Variants in CSMD1 observed in about 807,000 individuals in gnomAD.
The protein encoded by CSMD1 is CUB and sushi domain-containing protein 1.
In CSMD1, 213 loss-of-function variants were observed where a neutral mutation model predicts 417.5. The observed-to-expected ratio is 0.51, with a 90% confidence interval of 0.46 to 0.57. CSMD1 has a LOEUF of 0.57. CSMD1 is among the 20% of genes least tolerant of loss of function. The pLI, the probability that CSMD1 is intolerant of heterozygous loss-of-function variation, is 0.00. For synonymous variants in CSMD1, 2,862 were observed against 1,736.8 expected, an observed-to-expected ratio of 1.65 and a Z score of -16.11; for missense variants, 6,923 against 4,529.7, an observed-to-expected ratio of 1.53 and a Z score of -15.17.
intron 3 of CSMD1, among the ~76,000 whole-genome samples, chr8:4,199,733 T>G (rs1313152933): frequency 6.6e-6 from 1 of 152,162 alleles, no homozygotes; most frequent in Non-Finnish European, 1.5e-5. Flanking sequence ...ATCAGATGCT[T>G]TGATCCTCTT....
At chr8:3,655,191 T>C (rs1009260633) in intron 7 of CSMD1, among the ~76,000 whole-genome samples, 2 of 152,232 alleles carry the variant, frequency 1.3e-5, no homozygotes, top group Non-Finnish European at 2.9e-5. Flanking sequence ...AGATTATTTT[T>C]TGGTCAAAAC....
chr8:4,534,870 C>A (rs774101443), intron 2 of CSMD1, among the ~76,000 whole-genome samples: 40 of 152,276 alleles, frequency 2.6e-4, no homozygotes, highest in Non-Finnish European at 2.2e-4. Context: ...TCATGTCACT[C>A]TCCTGCCTCA....
At chr8:3,020,372 G>A (rs1261328100) in intron 51 of CSMD1, among the ~76,000 whole-genome samples, 1 of 152,128 alleles carries the variant, frequency 6.6e-6, no homozygotes, top group Non-Finnish European at 1.5e-5. Flanking sequence ...CAGCCCTTTT[G>A]TTGTTGTTTA....
At chr8:3,965,943 G>C (rs1812654266) in intron 5 of CSMD1, among the ~76,000 whole-genome samples, 1 of 152,170 alleles carries the variant, frequency 6.6e-6, no homozygotes, top group Non-Finnish European at 1.5e-5. Flanking sequence ...TAAGAAATAA[G>C]AACTGTCAAG....
At chr8:3,323,164 T>C (rs959425024) in intron 23 of CSMD1, among the ~76,000 whole-genome samples, 9 of 152,206 alleles carry the variant, frequency 5.9e-5, no homozygotes, top group African/African-American at 1.9e-4. Context: ...TGATGTCCAA[T>C]GGGCAACTTC....
chr8:3,483,548 T>C (rs1306522670), intron 11 of CSMD1, among the ~76,000 whole-genome samples: 2 of 152,046 alleles, frequency 1.3e-5, no homozygotes, highest in Non-Finnish European at 2.9e-5. Context: ...TACTAATTTA[T>C]AAGTAACAAT....
intron 5 of CSMD1, among the ~76,000 whole-genome samples, chr8:3,984,878 T>C (rs764086122): frequency 2.0e-5 from 3 of 151,610 alleles, no homozygotes; most frequent in African/African-American, 7.3e-5. Flanking sequence ...AAAGTTTGAA[T>C]CTATGTCCAT....
In CSMD1 at chr8:3,367,262, CG is replaced by C. The variant is rs765788753; in HGVS notation, c.2900-16del. ...CATTTGAACTCCTGAGAAATGAAGC[CG>C]GGGGAGAGAGAGAGAGACAGAGAGA... is the stretch of plus-strand genomic sequence containing the variant. On this transcript the variant is annotated splice_polypyrimidine_tract_variant and intron_variant, in intron 19 of 69. Coordinates refer to ENST00000635120, the MANE Select transcript of CSMD1 (RefSeq NM_033225.6). 1.9e-6 allele frequency: 3 copies of C among 1,576,242 alleles called. No homozygotes were observed. The highest frequency in any genetic ancestry group is 1.7e-6 in the Non-Finnish European group (2 of 1,155,464).
At chr8:3,305,106 A>G (rs529618150) in intron 25 of CSMD1, among the ~76,000 whole-genome samples, 1 of 152,120 alleles carries the variant, frequency 6.6e-6, no homozygotes, top group Admixed American at 6.6e-5. Context: ...GCCTTGACCA[A>G]CTGGGCTCAA....
rs561707383 is a variant in CSMD1 at position 3,567,427 on chromosome 8, A to T, written c.1344+7518T>A. 1.6e-4 allele frequency among the ~76,000 whole-genome samples: 25 copies of T among 152,040 alleles called. No homozygotes were observed. In the East Asian group the frequency reaches 3.7e-3, roughly 22 times the overall value. The stretch of plus-strand genomic sequence containing the variant: ...TCCCTTAACCTAAAATAAAAGTTTT[A>T]AAAATAAAATAAAAATAAAAATATA... On this transcript the variant is annotated intron_variant, in intron 10 of 69. Coordinates refer to ENST00000635120, the MANE Select transcript of CSMD1 (RefSeq NM_033225.6).
At chr8:3,725,197 G>C (rs933824087) in intron 6 of CSMD1, among the ~76,000 whole-genome samples, 2 of 152,098 alleles carry the variant, frequency 1.3e-5, no homozygotes, top group African/African-American at 4.8e-5. Flanking sequence ...TAGGTTCAAG[G>C]AAATGAAAGT....
At chr8:4,039,443 C>G (rs886406307) in intron 3 of CSMD1, among the ~76,000 whole-genome samples, 1 of 152,162 alleles carries the variant, frequency 6.6e-6, no homozygotes, top group East Asian at 1.9e-4. Context: ...ATCGGATTTC[C>G]TAGTCTTGAA....
At chr8:4,929,244 G>A (rs996935359) in intron 1 of CSMD1, among the ~76,000 whole-genome samples, 23 of 152,082 alleles carry the variant, frequency 1.5e-4, no homozygotes, top group African/African-American at 5.1e-4. Flanking sequence ...AGCGAGAGAG[G>A]CTGCAGAGAA....
At chr8:4,221,889 A>T (rs1585048016) in intron 3 of CSMD1, among the ~76,000 whole-genome samples, 1 of 152,294 alleles carries the variant, frequency 6.6e-6, no homozygotes, top group East Asian at 1.9e-4. Context: ...TAGCAGAGGA[A>T]ATTCACCAGA....
chr8:3,257,751 G>C (rs1357885495), intron 26 of CSMD1, among the ~76,000 whole-genome samples: 1 of 152,148 alleles, frequency 6.6e-6, no homozygotes, highest in Non-Finnish European at 1.5e-5. Flanking sequence ...TCTGGGGCTG[G>C]AGCTGAGAAG....
At chr8:4,253,042 G>T (rs1369605208) in intron 3 of CSMD1, among the ~76,000 whole-genome samples, 2 of 152,176 alleles carry the variant, frequency 1.3e-5, no homozygotes, top group African/African-American at 2.4e-5. Context: ...TTTTTCATGT[G>T]CCAACGTCTT....
chr8:3,609,065 G>A (rs930241833), intron 8 of CSMD1, among the ~76,000 whole-genome samples: 4 of 152,128 alleles, frequency 2.6e-5, no homozygotes, highest in African/African-American at 9.7e-5. Context: ...AATTATCTGT[G>A]TTACAAACTA....
chr8:3,737,017 T>A (rs1254710485), intron 6 of CSMD1, among the ~76,000 whole-genome samples: 1 of 152,238 alleles, frequency 6.6e-6, no homozygotes, highest in Non-Finnish European at 1.5e-5. Flanking sequence ...AGCACACGAC[T>A]GTGGTTACAT....
At chr8:4,180,256 G>T (rs1432345014) in intron 3 of CSMD1, among the ~76,000 whole-genome samples, 1 of 151,974 alleles carries the variant, frequency 6.6e-6, no homozygotes, top group Non-Finnish European at 1.5e-5. Context: ...AATAAAAAAT[G>T]ATGAGTTCAT....
Sources: allele counts gnomAD v4.1 joint callset (sites outside exome capture counted in the v4.1 genomes callset), GRCh38; gene constraint gnomAD v4.1.1; transcripts MANE v1.5; gene names NCBI Gene and HGNC (gene_info 2026-07-23, HGNC 2026-07-21).